The following SORCS2 variants were observed in gnomAD, a reference collection of about 807,000 sequenced individuals.
SORCS2 encodes VPS10 domain-containing receptor SorCS2.
In SORCS2, 100 loss-of-function variants were observed where a neutral mutation model predicts 141.6. That is an observed-to-expected ratio of 0.71 (90% CI 0.60 to 0.83). SORCS2 has a LOEUF of 0.83. Ranked by LOEUF, SORCS2 falls within the 40% of genes least tolerant of loss-of-function variation. SORCS2 has a pLI of 0.00. For synonymous variants in SORCS2, 789 were observed against 676.9 expected (o/e 1.17, Z -2.57); for missense variants, 1,646 against 1,560.2 (o/e 1.05, Z -0.93).
intron 2 of SORCS2, among the ~76,000 whole-genome samples, chr4:7,496,185 AG>A (rs546036528): frequency 3.9e-5 from 6 of 152,148 alleles, no homozygotes; most frequent in South Asian, 2.1e-4. Flanking sequence ...AGGAGACCAA[AG>A]CAACCTGACT....
At chr4:7,244,537 T>C (rs189069732) in intron 1 of SORCS2, among the ~76,000 whole-genome samples, 8 of 152,310 alleles carry the variant, frequency 5.3e-5, no homozygotes, top group African/African-American at 1.9e-4. Context: ...TCAGGGCCCA[T>C]GTGTTCTCAG....
chr4:7,659,224 G>A (rs189083709), intron 5 of SORCS2, among the ~76,000 whole-genome samples: 5 of 151,640 alleles, frequency 3.3e-5, no homozygotes, highest in South Asian at 4.2e-4. Flanking sequence ...GATGGGATGC[G>A]GTGCTTGGTT....
At position 7,513,895 on chromosome 4, in the gene SORCS2, G is replaced by A. The variant is rs184048989; in HGVS notation, c.549-17635G>A. ...TTGCCTGGAGAGCAGAGCGCATTAA[G>A]TTATTATGGTGCTGTGGCTGGAGGC... On this transcript the variant is annotated intron_variant, in intron 2 of 26. Transcript: ENST00000507866. Among the ~76,000 whole-genome samples the A allele has an allele frequency of 3.4e-3, 521 of 152,328 alleles. 2 individuals carry two copies. Among genetic ancestry groups the A allele is most frequent in the African/African-American group, 7.2e-3 (298 of 41,574 alleles).
chr4:7,725,327 G>A, intron 20 of SORCS2, 40 bp downstream of exon 20: 1 of 1,593,986 alleles, frequency 6.3e-7, no homozygotes, highest in Non-Finnish European at 8.5e-7. Flanking sequence ...TCTTCCCGCA[G>A]GCTCCCCACA....
At chr4:7,301,514 G>C (rs1014401527) in intron 1 of SORCS2, among the ~76,000 whole-genome samples, 4 of 152,202 alleles carry the variant, frequency 2.6e-5, no homozygotes, top group Non-Finnish European at 5.9e-5. Context: ...TCAGGCGCTG[G>C]GCTGACCCCT....
chr4:7,307,377 G>T (rs1346317956), intron 1 of SORCS2, among the ~76,000 whole-genome samples: 1 of 152,256 alleles, frequency 6.6e-6, no homozygotes, highest in East Asian at 1.9e-4. Flanking sequence ...CCCCTTGGAT[G>T]TGTACAGAGT....
chr4:7,675,633 A>C (rs1723057732), intron 8 of SORCS2, among the ~76,000 whole-genome samples: 1 of 152,056 alleles, frequency 6.6e-6, no homozygotes, highest in Admixed American at 6.6e-5. Flanking sequence ...GCAGAGACTC[A>C]CCTGGGCTGT....
chr4:7,691,160 G>A (rs967213509), intron 11 of SORCS2, among the ~76,000 whole-genome samples: 3 of 152,246 alleles, frequency 2.0e-5, no homozygotes, highest in Non-Finnish European at 4.4e-5. Flanking sequence ...CCACACAGAG[G>A]GGGTGGCTGT....
chr4:7,584,375 T>C (rs1157564873), intron 3 of SORCS2, among the ~76,000 whole-genome samples: 1 of 152,136 alleles, frequency 6.6e-6, no homozygotes, highest in Non-Finnish European at 1.5e-5. Flanking sequence ...CTTTGGAAAC[T>C]GAAAGAGTAC....
Position 7,193,081 on chromosome 4 carries a change from G to A in SORCS2, c.435G>A (p.Ala145=), listed in dbSNP as rs753138266. 1.3e-5 allele frequency: 20 copies of A among 1,561,364 alleles called. No homozygotes were observed. The highest frequency in any genetic ancestry group is 1.7e-5 in the Non-Finnish European group (20 of 1,163,258). ...CGTCGTTCGTGCTCAAGGGGGACGCGACGCACAACCAGGCGATGGTGCACT... is the reference window on the plus strand; with the variant it reads ...CGTCGTTCGTGCTCAAGGGGGACGCAACGCACAACCAGGCGATGGTGCACT... ...ISTSFVLKGD[A]THNQAMVHWT... Residue 145 remains alanine (A), a synonymous_variant, in exon 1 of 27, where the codon GCG becomes GCA. Transcript: ENST00000507866. This position sits in a 1 kb window ranked among gnomAD's most constrained non-coding sequence, Gnocchi z 4.8.
chr4:7,647,220 T>G (rs1399637563), intron 4 of SORCS2, among the ~76,000 whole-genome samples: 1 of 151,948 alleles, frequency 6.6e-6, no homozygotes, highest in East Asian at 1.9e-4. Context: ...TTAGCCAGGG[T>G]TTAGATGGGC....
chr4:7,668,021 A>G (rs967022631), intron 8 of SORCS2, among the ~76,000 whole-genome samples: 16 of 152,224 alleles, frequency 1.1e-4, no homozygotes, highest in Non-Finnish European at 1.5e-5. Context: ...TCTGTCCCAC[A>G]TGCATAGTTG....
intron 2 of SORCS2, among the ~76,000 whole-genome samples, chr4:7,446,815 G>C (rs1192603560): frequency 6.6e-6 from 1 of 152,252 alleles, no homozygotes; most frequent in Non-Finnish European, 1.5e-5. Context: ...GGGACATGGA[G>C]ATAGGACCTG....
At chr4:7,360,686 G>A (rs999549003) in intron 1 of SORCS2, among the ~76,000 whole-genome samples, 3 of 143,064 alleles carry the variant, frequency 2.1e-5, no homozygotes, top group African/African-American at 5.2e-5. Context: ...TCAAGCGATC[G>A]ATCCTTCCAC....
intron 2 of SORCS2, among the ~76,000 whole-genome samples, chr4:7,476,412 C>T (rs1043986751): frequency 4.6e-5 from 7 of 152,090 alleles, no homozygotes; most frequent in South Asian, 2.1e-4. Flanking sequence ...TGGGATGTGT[C>T]GGTGTTTGCT....
chr4:7,621,383 G>A (rs548357634), intron 3 of SORCS2, among the ~76,000 whole-genome samples: 13 of 151,748 alleles, frequency 8.6e-5, no homozygotes, highest in Middle Eastern at 3.4e-3. Flanking sequence ...GTGTCTATGT[G>A]TGAGTGTTTA....
intron 3 of SORCS2, among the ~76,000 whole-genome samples, chr4:7,572,403 T>C (rs1715463707): frequency 6.7e-6 from 1 of 148,938 alleles, no homozygotes; most frequent in Non-Finnish European, 1.5e-5. Flanking sequence ...ATCATTTACG[T>C]TTAATCATTT....
At chr4:7,503,000 C>T (rs542686746) in intron 2 of SORCS2, among the ~76,000 whole-genome samples, 6 of 152,302 alleles carry the variant, frequency 3.9e-5, no homozygotes, top group Admixed American at 2.0e-4. Context: ...AAGTTCCACC[C>T]GATTTCACGT....
intron 1 of SORCS2, among the ~76,000 whole-genome samples, chr4:7,258,138 T>A (rs1288726364): frequency 6.6e-6 from 1 of 152,166 alleles, no homozygotes; most frequent in Non-Finnish European, 1.5e-5. Context: ...TATCCCTTTC[T>A]TTTTAAAAAA....
Sources: allele counts gnomAD v4.1 joint callset (sites outside exome capture counted in the v4.1 genomes callset), GRCh38; gene constraint gnomAD v4.1.1; non-coding constraint Gnocchi (gnomAD v3.1); transcripts MANE v1.5; gene names NCBI Gene and HGNC (gene_info 2026-07-23, HGNC 2026-07-21).